The following GRHL2 variants were observed in gnomAD, a reference collection of about 807,000 sequenced individuals.
The protein encoded by GRHL2 is grainyhead like transcription factor 2.
In GRHL2, 21 loss-of-function variants were observed where a neutral mutation model predicts 83.8. The observed-to-expected ratio is 0.25, with a 90% CI of 0.18 to 0.36. The LOEUF is 0.36. Ranked by LOEUF, GRHL2 falls within the 10% of genes least tolerant of loss-of-function variation. GRHL2 has a pLI of 1.00. For missense variants in GRHL2, 623 were observed against 781.8 expected, an observed-to-expected ratio of 0.80 and a Z score of 2.42; for synonymous variants, 280 against 278.9, an observed-to-expected ratio of 1.00 and a Z score of -0.04.
chr8:101,547,668 T>C (rs1266219149), intron 2 of GRHL2, among the ~76,000 whole-genome samples: 6 of 152,260 alleles, frequency 3.9e-5, no homozygotes, highest in Non-Finnish European at 4.4e-5. Flanking sequence ...ATCCTGTATG[T>C]TTCCTAATAG....
intron 14 of GRHL2, among the ~76,000 whole-genome samples, chr8:101,653,565 C>T (rs1285484130): frequency 5.9e-5 from 9 of 152,072 alleles, no homozygotes; most frequent in Admixed American, 4.6e-4. Context: ...GCCTGGCCAA[C>T]GTGGTGAAAC....
intron 14 of GRHL2, among the ~76,000 whole-genome samples, chr8:101,650,804 A>ATATCTATCTATCTATCTATC (rs59979330): frequency 8.9e-4 from 130 of 145,970 alleles, no homozygotes; most frequent in African/African-American, 2.4e-3. Context: ...GTGAATTGTG[A>ATATCTATCTATCTATCTATC]TATCTATCTA....
chr8:101,512,933 C>T (rs1243630447), intron 1 of GRHL2, among the ~76,000 whole-genome samples: 1 of 152,136 alleles, frequency 6.6e-6, no homozygotes, highest in Non-Finnish European at 1.5e-5. Context: ...TGAAGTCCTT[C>T]TTCTTAGCTG....
rs10087713 is a variant in GRHL2, at chr8:101,513,294, T to C, written c.20+20505T>C. Among the ~76,000 whole-genome samples, 1,033 of 152,210 alleles carry C rather than the reference T, an allele frequency of 6.8e-3. 13 individuals carry two copies. The highest frequency in any genetic ancestry group is 0.023 in the African/African-American group (937 of 41,526). On this transcript the variant is annotated intron_variant, in intron 1 of 15. Transcript: ENST00000646743. Reference sequence around the variant, plus strand: ...CTTGGGTAAATTACTTAATTTCTCTTAGTTTCTCATCTATAAGAAGGGAAT... The same window carrying C: ...CTTGGGTAAATTACTTAATTTCTCTCAGTTTCTCATCTATAAGAAGGGAAT...
At chr8:101,661,739 A>G (rs1466743775) in intron 14 of GRHL2, among the ~76,000 whole-genome samples, 1 of 152,122 alleles carries the variant, frequency 6.6e-6, no homozygotes, top group Non-Finnish European at 1.5e-5. Flanking sequence ...CTGCTCTTTC[A>G]CCCTGATAAG....
chr8:101,605,321 T>C (rs963272559), intron 8 of GRHL2, among the ~76,000 whole-genome samples: 10 of 152,186 alleles, frequency 6.6e-5, no homozygotes, highest in Admixed American at 3.9e-4. Flanking sequence ...CCCTGCAAGA[T>C]TGGGCAAATG....
chr8:101,677,997 T>A, the GRHL2 span, among the ~76,000 whole-genome samples: 1 of 152,176 alleles, frequency 6.6e-6, no homozygotes, highest in African/African-American at 2.4e-5. Context: ...CATTTTTTTC[T>A]CTGTTTCTTC....
At chr8:101,556,200 A>G (rs943990693) in intron 3 of GRHL2, among the ~76,000 whole-genome samples, 1 of 151,984 alleles carries the variant, frequency 6.6e-6, no homozygotes, top group African/African-American at 2.4e-5. Flanking sequence ...CAGGTGATCC[A>G]CCCACCTCGG....
chr8:101,600,655 C>A lies in GRHL2; in HGVS notation c.1098+1504C>A, dbSNP rs1812490843. ...GAGCAAGTTATCTGACCTCTCTGGGCCTCGGTTCTGGCATGCAGACAAACA... is the reference window on the plus strand; with the variant it reads ...GAGCAAGTTATCTGACCTCTCTGGGACTCGGTTCTGGCATGCAGACAAACA... On this transcript the variant is annotated intron_variant, in intron 8 of 15. Transcript: ENST00000646743. Among the ~76,000 whole-genome samples, 3 of 152,212 alleles carry A rather than the reference C, an allele frequency of 2.0e-5. No homozygotes were observed. The South Asian group carries it at 6.2e-4, about 32-fold the overall frequency.
chr8:101,573,411 C>T (rs1811866392), intron 5 of GRHL2, among the ~76,000 whole-genome samples: 1 of 152,092 alleles, frequency 6.6e-6, no homozygotes, highest in Non-Finnish European at 1.5e-5. Flanking sequence ...CTGTTTTTTG[C>T]ACAATTGGCC....
chr8:101,599,017 C>T (rs1443793031), intron 7 of GRHL2, 40 bp from the exon 8 acceptor site: 2 of 1,392,744 alleles, frequency 1.4e-6, no homozygotes, highest in Non-Finnish European at 2.0e-6. Context: ...CTGAGTCACT[C>T]TTACTCCTTT....
rs1491372693 is a variant in GRHL2, at chr8:101,652,489, ATG to A, written c.1698+2997_1698+2998del. The stretch of plus-strand genomic sequence containing the variant: ...TGTGGTGTGTGTGTGGTATGTGTGT[ATG>A]TGTGTGGTGTGTGTGTGTGGTGTGT... On this transcript the variant is annotated intron_variant, in intron 14 of 15. Transcript: ENST00000646743. Among the ~76,000 whole-genome samples the A allele has an allele frequency of 8.3e-4, 15 of 17,966 alleles. 2 individuals carry two copies. The highest frequency in any genetic ancestry group is 2.6e-3 in the African/African-American group (10 of 3,818). 11.8% of individuals were successfully genotyped at this position (17,966 alleles called of 152,430 possible). A position where few individuals can be genotyped will look rare whatever the true frequency, so the allele number is the denominator to read the frequency against.
Position 101,667,322 on chromosome 8 carries a change from C to T in GRHL2, c.*619C>T, listed in dbSNP as rs1814092388. ...CCGTGTAATTAGTAACACAGAAAGT[C>T]TGCCTGTCTGCATTGTACATAGTGT... is the stretch of plus-strand genomic sequence containing the variant. On this transcript the variant is annotated 3_prime_UTR_variant, in exon 16 of 16. Transcript: ENST00000646743. 5.8e-6 allele frequency: 1 copy of T among 171,840 alleles called. No homozygotes were observed. Among genetic ancestry groups the T allele is most frequent in the African/African-American group, 2.4e-5 (1 of 42,220 alleles). 10.6% of individuals were successfully genotyped at this position (171,840 alleles called of 1,614,324 possible).
intron 1 of GRHL2, among the ~76,000 whole-genome samples, chr8:101,502,538 GGTAGAAAAGTGGTACAA>G (rs1810251052): frequency 6.6e-6 from 1 of 152,184 alleles, no homozygotes; most frequent in African/African-American, 2.4e-5. Context: ...TTGCTGGGAT[GGTAGAAAAGTGGTACAA>G]GAAAATCAGA....
intron 9 of GRHL2, among the ~76,000 whole-genome samples, chr8:101,620,500 A>G (rs1351534721): frequency 6.6e-6 from 1 of 152,204 alleles, no homozygotes; most frequent in Non-Finnish European, 1.5e-5. Context: ...GTTCATTAGT[A>G]CATATGCACT....
chr8:101,501,882 C>CT (rs143089829), intron 1 of GRHL2, among the ~76,000 whole-genome samples: 3,340 of 144,444 alleles, frequency 0.023, 46 homozygotes, highest in Middle Eastern at 0.087. Context: ...AAAAAACATG[C>CT]TTTTTTTTTT....
At chr8:101,507,813 T>G (rs1044453282) in intron 1 of GRHL2, among the ~76,000 whole-genome samples, 5 of 146,634 alleles carry the variant, frequency 3.4e-5, no homozygotes, top group Admixed American at 1.4e-4. Flanking sequence ...AGTCTTACTC[T>G]GTCACTCAGG....
chr8:101,652,066 A>G lies in GRHL2; in HGVS notation c.1698+2567A>G, dbSNP rs549421737. On this transcript the variant is annotated intron_variant, in intron 14 of 15. Coordinates refer to ENST00000646743, the MANE Select transcript of GRHL2 (RefSeq NM_024915.4). ...TGTGAAATGAAGCGGTAGAATTGTC[A>G]AGAACAGTGGCTCCTGCTCACTGTA... Among the ~76,000 whole-genome samples the G allele has an allele frequency of 2.0e-5, 3 of 152,200 alleles. No individual in the cohort carries two copies. The East Asian group carries it at 5.8e-4, about 29-fold the overall frequency.
chr8:101,667,511 G>GTGAC lies in GRHL2; in HGVS notation c.*811_*814dup, dbSNP rs1198245511. On this transcript the variant is annotated 3_prime_UTR_variant, in exon 16 of 16. Coordinates refer to ENST00000646743, the MANE Select transcript of GRHL2 (RefSeq NM_024915.4). ...GGTAGAGGGCCTTTGGGATGTTAAG[G>GTGAC]TGACTGCAGCTGATGCCAAGATGGA... 1 of 152,676 alleles carries GTGAC rather than the reference G, an allele frequency of 6.5e-6. No homozygotes were observed. The highest frequency in any genetic ancestry group is 2.4e-5 in the African/African-American group (1 of 41,452). 9.5% of individuals were successfully genotyped at this position (152,676 alleles called of 1,614,324 possible). A position where few individuals can be genotyped will look rare whatever the true frequency, so the allele number is the denominator to read the frequency against.
Sources: gnomAD v4.1 joint callset for allele counts (sites outside exome capture counted in the v4.1 genomes callset) on GRCh38, gnomAD v4.1.1 for gene constraint, MANE v1.5 for transcripts, NCBI Gene and HGNC (gene_info 2026-07-23, HGNC 2026-07-21) for gene names.